Variants in HSP90AA1 observed in about 807,000 individuals in gnomAD.
The protein encoded by HSP90AA1 is heat shock protein HSP 90-alpha.
A neutral mutation model predicts 73.3 loss-of-function variants in HSP90AA1; 18 were observed. The ratio of observed to expected loss-of-function variants is 0.25; its 90% CI spans 0.17 to 0.36. The LOEUF (loss-of-function observed/expected upper bound fraction) is 0.36. Ranked by LOEUF, HSP90AA1 falls within the 10% of genes least tolerant of loss-of-function variation. The pLI, the probability that HSP90AA1 is intolerant of heterozygous loss-of-function variation, is 1.00. For missense variants in HSP90AA1, 704 were observed against 874.2 expected (o/e 0.81, Z 2.45); for synonymous variants, 477 against 296.9 (o/e 1.61, Z -6.24).
intron 2 of HSP90AA1, among the ~76,000 whole-genome samples, chr14:102,092,895 G>A (rs78733515): frequency 0.09 from 13,623 of 151,778 alleles, 851 homozygotes; most frequent in African/African-American, 0.18. Context: ...GGACACGTGC[G>A]CCACCATGCC....
chr14:102,092,666 A>G (rs922673332), intron 2 of HSP90AA1, among the ~76,000 whole-genome samples: 5 of 152,144 alleles, frequency 3.3e-5, no homozygotes, highest in Non-Finnish European at 7.3e-5. Flanking sequence ...TTGGATGATG[A>G]ATCTTCATTA....
Position 102,086,049 on chromosome 14 carries a change from G to C in HSP90AA1, c.238C>G (p.Leu80Val). 1 of 1,613,864 alleles carries C rather than the reference G, an allele frequency of 6.2e-7. No homozygotes were observed. Residue 80 changes from leucine (L) to valine (V), a missense_variant, in exon 3 of 11, where the codon CTT (leucine) becomes GTT (valine). Physicochemically the swap from Leu to Val is conservative, Grantham distance 32. Transcript: ENST00000216281. ...LDSGKELHIN[L>V]IPNKQDRTLT... ...GTTCGATCTTGTTTGTTCGGTATAAGGTTAATATGCAGCTCTTTCCCAGAG... is the reference window on the plus strand; with the variant it reads ...GTTCGATCTTGTTTGTTCGGTATAACGTTAATATGCAGCTCTTTCCCAGAG...
Position 102,083,603 on chromosome 14 carries a change from G to C in HSP90AA1, c.1429C>G (p.Leu477Val), listed in dbSNP as rs757976526. The C allele has an allele frequency of 3.1e-6, 5 of 1,613,714 alleles. No homozygotes were observed. Among genetic ancestry groups the C allele is most frequent in the Non-Finnish European group, 3.4e-6 (4 of 1,179,746 alleles). Reference sequence around the variant, plus strand: ...TTCATTCTGGTGCAGTAGTCCTTGAGAGAAACCATCTCATCACCAGAGGCA... The same window carrying C: ...TTCATTCTGGTGCAGTAGTCCTTGACAGAAACCATCTCATCACCAGAGGCA... ...TSASGDEMVS[L>V]KDYCTRMKEN... is the part of the protein sequence containing the mutation. Residue 477 changes from leucine to valine, a missense_variant, in exon 8 of 11, where the codon CTC (leucine) becomes GTC (valine). Transcript: ENST00000216281.
intron 2 of HSP90AA1, among the ~76,000 whole-genome samples, chr14:102,099,441 C>T (rs2049465734): frequency 6.6e-6 from 1 of 152,098 alleles, no homozygotes; most frequent in South Asian, 2.1e-4. Flanking sequence ...GCCTGTAATC[C>T]CAGCTACTTG....
chr14:102,139,743 C>T, upstream of HSP90AA1: 3 of 912,554 alleles, frequency 3.3e-6, no homozygotes, highest in Non-Finnish European at 4.8e-6. Flanking sequence ...AGCACGCCTG[C>T]GCAGTCGGGC....
chr14:102,098,041 C>T (rs75764529), intron 2 of HSP90AA1, among the ~76,000 whole-genome samples: 3,334 of 152,280 alleles, frequency 0.022, 78 homozygotes, highest in South Asian at 0.1. Context: ...AACATTATCC[C>T]TTCCGGATGC....
chr14:102,089,789 C>G (rs1193679391), upstream of HSP90AA1, among the ~76,000 whole-genome samples: 1 of 152,192 alleles, frequency 6.6e-6, no homozygotes, highest in Non-Finnish European at 1.5e-5. Context: ...ACGGATCTGG[C>G]ACTGAGTCCT....
chr14:102,132,029 G>C (rs974061080), intron 1 of HSP90AA1, among the ~76,000 whole-genome samples: 3 of 152,160 alleles, frequency 2.0e-5, no homozygotes, highest in Admixed American at 2.0e-4. Flanking sequence ...TTGAGCCTAG[G>C]AGTTCAAGAC....
chr14:102,134,867 T>G (rs1382461260), intron 1 of HSP90AA1, among the ~76,000 whole-genome samples: 1 of 152,230 alleles, frequency 6.6e-6, no homozygotes, highest in Non-Finnish European at 1.5e-5. Context: ...CCTGCTTTTA[T>G]TCTCTTATCT....
At position 102,085,564 on chromosome 14, in the gene HSP90AA1, C is replaced by A. The variant is rs1039660611; in HGVS notation, c.530-133G>T. The A allele has an allele frequency of 1.0e-5, 12 of 1,199,450 alleles. No individual in the cohort carries two copies. The Admixed American group carries it at 1.8e-4, about 18-fold the overall frequency. 74.3% of individuals were successfully genotyped at this position (1,199,450 alleles called of 1,614,324 possible). On this transcript the variant is annotated intron_variant, in intron 3 of 10. Coordinates refer to ENST00000216281, the MANE Select transcript of HSP90AA1 (RefSeq NM_005348.4). Reference sequence around the variant, plus strand: ...GATGCAAAGGCCACCACAGCAGAACCTTTTGGGCAAGGTGCCTCGCCCAAA... The same window carrying A: ...GATGCAAAGGCCACCACAGCAGAACATTTTGGGCAAGGTGCCTCGCCCAAA...
In HSP90AA1 at chr14:102,084,269, C is replaced by T; in HGVS notation, c.1147+130G>A. The T allele has an allele frequency of 7.1e-6, 6 of 849,324 alleles. No individual in the cohort carries two copies. In the South Asian group the frequency reaches 7.5e-5, roughly 11 times the overall value. The allele number at this position is 849,324 out of a possible 1,614,324, so 52.6% of individuals were successfully genotyped here. On this transcript the variant is annotated intron_variant, in intron 6 of 10. Transcript: ENST00000216281. Reference sequence around the variant, plus strand: ...CCATGTTGCCCAGGCTGGTCTTGAACTCCTGACCTCAAGTGATCTGCCCAC... The same window carrying T: ...CCATGTTGCCCAGGCTGGTCTTGAATTCCTGACCTCAAGTGATCTGCCCAC...
At chr14:102,111,161 T>A (rs2049636765) in intron 1 of HSP90AA1, among the ~76,000 whole-genome samples, 1 of 152,246 alleles carries the variant, frequency 6.6e-6, no homozygotes, top group Non-Finnish European at 1.5e-5. Context: ...AGGAGCTGAA[T>A]GTTAATTTCC....
chr14:102,130,451 ATTGT>A (rs2049895056), intron 1 of HSP90AA1, among the ~76,000 whole-genome samples: 1 of 152,014 alleles, frequency 6.6e-6, no homozygotes, highest in South Asian at 2.1e-4. Context: ...AACACTTGTT[ATTGT>A]TTATCTTTTT....
intron 1 of HSP90AA1, among the ~76,000 whole-genome samples, chr14:102,110,574 C>T (rs2049627508): frequency 6.7e-6 from 1 of 150,238 alleles, no homozygotes; most frequent in African/African-American, 2.4e-5. Flanking sequence ...CGCCCACCAC[C>T]ATGCCCGGAT....
At chr14:102,133,818 AAG>A (rs1053291612) in intron 1 of HSP90AA1, among the ~76,000 whole-genome samples, 7 of 152,116 alleles carry the variant, frequency 4.6e-5, no homozygotes, top group African/African-American at 1.4e-4. Context: ...ATGAAGGAGA[AAG>A]AGGGGCAGTT....
chr14:102,084,068 G>A (rs992363421), intron 6 of HSP90AA1, 85 bp from the exon 7 acceptor site: 2 of 1,032,806 alleles, frequency 1.9e-6, no homozygotes, highest in Admixed American at 3.8e-5. Flanking sequence ...AAGATAACCT[G>A]AAGATGATGG....
intron 2 of HSP90AA1, among the ~76,000 whole-genome samples, chr14:102,097,835 G>A (rs1014491468): frequency 6.6e-6 from 1 of 152,180 alleles, no homozygotes; most frequent in African/African-American, 2.4e-5. Context: ...TGGGTTGTGA[G>A]TTTCAGTGCA....
intron 8 of HSP90AA1, 34 bp downstream of exon 8, chr14:102,083,500 AGATTGTAAGAAC>A: frequency 6.3e-7 from 1 of 1,581,468 alleles, no homozygotes; most frequent in Non-Finnish European, 8.7e-7. Flanking sequence ...AGAGCCTACA[AGATTGTAAGAAC>A]GACGTGTATG....
rs148861509 is a variant in HSP90AA1 at position 102,084,604 on chromosome 14, C to T, written c.982-40G>A. The T allele has an allele frequency of 1.8e-4, 294 of 1,614,110 alleles. No individual in the cohort carries two copies. In the African/African-American group the frequency reaches 3.1e-3, roughly 17 times the overall value. ...ATACACTAAGTACCAATGAACAATG[C>T]ATTATAGAAGATATTTGGGGTGGTG... On this transcript the variant is annotated intron_variant, in intron 5 of 10. Transcript: ENST00000216281.
Sources: allele counts gnomAD v4.1 joint callset (sites outside exome capture counted in the v4.1 genomes callset), GRCh38; gene constraint gnomAD v4.1.1; transcripts MANE v1.5; gene names NCBI Gene and HGNC (gene_info 2026-07-23, HGNC 2026-07-21).